The following AURKA variants were observed in gnomAD, a reference collection of about 807,000 sequenced individuals.
AURKA encodes aurora 2.
Under a neutral mutation model 40.9 loss-of-function variants are expected in AURKA, and 12 were observed. The observed-to-expected ratio is 0.29, with a 90% confidence interval of 0.19 to 0.48. AURKA has a LOEUF of 0.48. Ranked by LOEUF, AURKA falls within the 20% of genes least tolerant of loss-of-function variation. AURKA has a pLI of 0.99. For synonymous variants in AURKA, 170 were observed against 164.3 expected, an observed-to-expected ratio of 1.03 and a Z score of -0.26; for missense variants, 322 against 462.1, an observed-to-expected ratio of 0.70 and a Z score of 2.78.
intron 4 of AURKA, 131 bp downstream of exon 4, chr20:56,384,139 T>G (rs1986072962): frequency 1.6e-6 from 1 of 634,698 alleles, no homozygotes; most frequent in African/African-American, 1.9e-5. Flanking sequence ...ATTGGAAATC[T>G]GGAAACATTT....
At chr20:56,379,716 C>T (rs1215067755) in intron 6 of AURKA, among the ~76,000 whole-genome samples, 2 of 152,076 alleles carry the variant, frequency 1.3e-5, no homozygotes, top group Non-Finnish European at 2.9e-5. Context: ...AATCCTAGCA[C>T]TTTGGGAGGC....
chr20:56,370,697 G>A (rs759247145), intron 7 of AURKA, 38 bp from the exon 8 acceptor site: 9 of 1,609,934 alleles, frequency 5.6e-6, no homozygotes, highest in East Asian at 4.5e-5. Flanking sequence ...TGTGCTTCTC[G>A]TTTTATGATC....
At chr20:56,381,617 G>A in intron 5 of AURKA, 46 bp from the exon 6 acceptor site, 1 of 1,608,634 alleles carries the variant, frequency 6.2e-7, no homozygotes, top group Non-Finnish European at 8.5e-7. Flanking sequence ...GGAGCTCACA[G>A]AAGACTATGT....
At chr20:56,376,562 A>G (rs959969330) in intron 6 of AURKA, among the ~76,000 whole-genome samples, 28 of 150,776 alleles carry the variant, frequency 1.9e-4, no homozygotes, top group African/African-American at 6.4e-4. Context: ...TGCCAAAAAG[A>G]GAACTAATGT....
At chr20:56,391,683 G>A (rs952293761) in intron 1 of AURKA, among the ~76,000 whole-genome samples, 5 of 152,058 alleles carry the variant, frequency 3.3e-5, no homozygotes, top group African/African-American at 1.2e-4. Flanking sequence ...CATCCAGCCA[G>A]GACAAGGGCC....
intron 6 of AURKA, among the ~76,000 whole-genome samples, chr20:56,380,407 G>GA (rs2146178004): frequency 6.6e-6 from 1 of 150,484 alleles, no homozygotes; most frequent in African/African-American, 2.4e-5. Context: ...GGCCAAAGTT[G>GA]CAATGATCTG....
rs1416335882 is a variant in AURKA at position 56,373,876 on chromosome 20, G to A, written c.706-320C>T. 1.3e-5 allele frequency among the ~76,000 whole-genome samples: 2 copies of A among 152,206 alleles called. No individual in the cohort carries two copies. The highest frequency in any genetic ancestry group is 2.1e-4 in the South Asian group (1 of 4,834). ...GAGGCAGGAGGATTGCTTGAGACCAGGAGGTCAAAGCTGCAGTGAGCCATG... is the reference window on the plus strand; with the variant it reads ...GAGGCAGGAGGATTGCTTGAGACCAAGAGGTCAAAGCTGCAGTGAGCCATG... On this transcript the variant is annotated intron_variant, in intron 6 of 8. Transcript: ENST00000395915. This position sits in a 1 kb window ranked among gnomAD's most constrained non-coding sequence, Gnocchi z 5.0.
chr20:56,383,381 G>A (rs1007280902), intron 4 of AURKA, among the ~76,000 whole-genome samples: 2 of 152,178 alleles, frequency 1.3e-5, no homozygotes, highest in Non-Finnish European at 2.9e-5. Context: ...TCAGGTGTGA[G>A]AGTCAGTGAC....
intron 5 of AURKA, 105 bp downstream of exon 5, chr20:56,382,880 G>T (rs6024841): frequency 8.0e-7 from 1 of 1,256,964 alleles, no homozygotes; most frequent in Non-Finnish European, 1.2e-6. Context: ...GCAGTGCCTC[G>T]TAAGAGGGAG....
chr20:56,378,089 C>A (rs1433422977), intron 6 of AURKA, among the ~76,000 whole-genome samples: 6 of 152,114 alleles, frequency 3.9e-5, no homozygotes, highest in Admixed American at 3.9e-4. Context: ...ATTGCTTGAG[C>A]CAGGGAGTTT....
chr20:56,381,343 A>G, intron 6 of AURKA, 90 bp downstream of exon 6: 1 of 1,535,916 alleles, frequency 6.5e-7, no homozygotes, highest in Non-Finnish European at 9.0e-7. Flanking sequence ...CGTCAAGACA[A>G]AACCCACTCT....
chr20:56,379,430 GAGAT>G (rs1488733848), intron 6 of AURKA, among the ~76,000 whole-genome samples: 1 of 152,188 alleles, frequency 6.6e-6, no homozygotes, highest in Non-Finnish European at 1.5e-5. Flanking sequence ...GCTTAATGAA[GAGAT>G]AGATGGATAA....
chr20:56,371,414 T>C (rs574890127), intron 7 of AURKA, among the ~76,000 whole-genome samples: 7 of 150,220 alleles, frequency 4.7e-5, no homozygotes, highest in African/African-American at 1.7e-4. Context: ...TGAGCCAAGA[T>C]CGCACCACTG....
rs1266082902 is a variant in AURKA at position 56,386,261 on chromosome 20, T to G, written c.315A>C (p.Ala105=). The G allele has an allele frequency of 2.5e-6, 4 of 1,614,266 alleles. No individual in the cohort carries two copies. Among genetic ancestry groups the G allele is most frequent in the Middle Eastern group, 1.6e-4 (1 of 6,062 alleles). ...TQKSKQPLPS[A]PENNPEEELA... ...GAGTCTCAAAAGCTAGTTTACCAGG[T>G]GCCGATGGCAGGGGCTGCTTGCTCT... is the stretch of plus-strand genomic sequence containing the variant. Residue 105 remains alanine, a synonymous_variant, in exon 3 of 9, where the codon GCA becomes GCC. Transcript: ENST00000395915.
chr20:56,380,298 T>G (rs1254250242), intron 6 of AURKA, among the ~76,000 whole-genome samples: 3 of 145,532 alleles, frequency 2.1e-5, no homozygotes, highest in African/African-American at 7.7e-5. Context: ...GAGGTTGCAG[T>G]GAGCCAAGAT....
intron 7 of AURKA, among the ~76,000 whole-genome samples, chr20:56,371,289 C>T (rs1338635490): frequency 2.6e-5 from 4 of 152,022 alleles, no homozygotes; most frequent in African/African-American, 9.6e-5. Context: ...GGTGAAACGC[C>T]GTATCTACTA....
chr20:56,370,545 T>G lies in AURKA; in HGVS notation c.969A>C (p.Leu323Phe). 1 of 1,614,168 alleles carries G rather than the reference T, an allele frequency of 6.2e-7. No individual in the cohort carries two copies. The highest frequency in any genetic ancestry group is 8.5e-7 in the Non-Finnish European group (1 of 1,180,024). ...TTGCCTCAAAAGGAGGCTTCCCAAC[T>G]AAAAATTCATAGCAAAGAACTCCAA... ...WSLGVLCYEF[L>F]VGKPPFEANT... is the part of the protein sequence containing the mutation. Residue 323 changes from leucine (L) to phenylalanine (F), a missense_variant, in exon 8 of 9, where the codon TTA becomes TTC. Leu to Phe is a conservative substitution (Grantham distance 22). Coordinates refer to ENST00000395915, the MANE Select transcript of AURKA (RefSeq NM_198437.3).
rs2146206026 is a variant in AURKA, at chr20:56,386,563, GC to G, written c.43-31del. Reference sequence around the variant, plus strand: ...AATGGAAGAGAAAATAAACTTTCTGGCATTCATGAAAGCAAAAGATGAATAT... The same window carrying G: ...AATGGAAGAGAAAATAAACTTTCTGGATTCATGAAAGCAAAAGATGAATAT... On this transcript the variant is annotated intron_variant, in intron 2 of 8. Coordinates refer to ENST00000395915, the MANE Select transcript of AURKA (RefSeq NM_198437.3). 4 of 1,613,606 alleles carry G rather than the reference GC, an allele frequency of 2.5e-6. No individual in the cohort carries two copies. In the East Asian group the frequency reaches 8.9e-5, roughly 36 times the overall value.
chr20:56,374,504 A>G (rs1180561506), intron 6 of AURKA, among the ~76,000 whole-genome samples: 2 of 152,260 alleles, frequency 1.3e-5, no homozygotes, highest in Non-Finnish European at 2.9e-5. Flanking sequence ...TTGCACTGAC[A>G]TATTAAATAG....
Sources: allele counts gnomAD v4.1 joint callset (sites outside exome capture counted in the v4.1 genomes callset), GRCh38; gene constraint gnomAD v4.1.1; non-coding constraint Gnocchi (gnomAD v3.1); transcripts MANE v1.5; gene names NCBI Gene and HGNC (gene_info 2026-07-23, HGNC 2026-07-21).